Variants in SNX31 observed in about 807,000 individuals in gnomAD.
SNX31 encodes the protein sorting nexin 31, also known as sorting nexin-31.
Under a neutral mutation model 65.4 loss-of-function variants are expected in SNX31, and 58 were observed. That is an observed-to-expected ratio of 0.89 (90% CI 0.72 to 1.10). The LOEUF is 1.10. Among genes scored for constraint, SNX31 ranks in the 50% least tolerant of loss-of-function variants. The probability of loss-of-function intolerance (pLI) is 0.00; values close to 1 mark genes in which losing one functional copy is unlikely to be tolerated. For synonymous variants in SNX31, 181 were observed against 190.1 expected, an observed-to-expected ratio of 0.95 and a Z score of 0.39; for missense variants, 523 against 529.7, an observed-to-expected ratio of 0.99 and a Z score of 0.12.
rs776308909 is a variant in SNX31 at position 100,630,407 on chromosome 8, G to A, written c.257-16C>T. 59 of 1,608,942 alleles carry A rather than the reference G, an allele frequency of 3.7e-5. No homozygotes were observed. Among genetic ancestry groups the A allele is most frequent in the African/African-American group, 1.5e-4 (11 of 74,702 alleles). On this transcript the variant is annotated splice_polypyrimidine_tract_variant and intron_variant, in intron 3 of 13. Coordinates refer to ENST00000311812, the MANE Select transcript of SNX31 (RefSeq NM_152628.4). This position sits in a 1 kb window ranked among gnomAD's most constrained non-coding sequence, Gnocchi z 5.3. ...TCCATGGTTACTGAAAAACATGGAC[G>A]GTGAGCCAGGTTAGCATGGGCTGGG... is the stretch of plus-strand genomic sequence containing the variant.
chr8:100,606,999 G>A (rs1563541260), intron 8 of SNX31, among the ~76,000 whole-genome samples: 1 of 152,198 alleles, frequency 6.6e-6, no homozygotes, highest in Non-Finnish European at 1.5e-5. Flanking sequence ...CACTTTCATG[G>A]AGAAATCATT....
rs1286368207 is a variant in SNX31 at position 100,594,633 on chromosome 8, A to G, written c.978+2006T>C. 6.6e-6 allele frequency among the ~76,000 whole-genome samples: 1 copy of G among 152,242 alleles called. No homozygotes were observed. Among genetic ancestry groups the G allele is most frequent in the African/African-American group, 2.4e-5 (1 of 41,474 alleles). ...TATTAGAATGACTACAATAAAAAAAATAGTGACAACACCAAATGCTGGTGA... is the reference window on the plus strand; with the variant it reads ...TATTAGAATGACTACAATAAAAAAAGTAGTGACAACACCAAATGCTGGTGA... On this transcript the variant is annotated intron_variant, in intron 10 of 13. Transcript: ENST00000311812. This position sits in a 1 kb window ranked among gnomAD's most constrained non-coding sequence, Gnocchi z 4.0.
chr8:100,642,160 T>G (rs1425993517), intron 2 of SNX31, among the ~76,000 whole-genome samples: 1 of 152,188 alleles, frequency 6.6e-6, no homozygotes, highest in Non-Finnish European at 1.5e-5. Flanking sequence ...TTCCAGAGAC[T>G]GTCAAAAGGC....
intron 12 of SNX31, chr8:100,582,392 A>C (rs577698833): frequency 6.6e-6 from 1 of 152,278 alleles, no homozygotes; most frequent in Non-Finnish European, 1.5e-5. Flanking sequence ...TCAGCCTAAG[A>C]GGGTCCATCC....
At position 100,614,426 on chromosome 8, in the gene SNX31, T is replaced by G. The variant is rs1025326442; in HGVS notation, c.433-1341A>C. On this transcript the variant is annotated intron_variant, in intron 5 of 13. Coordinates refer to ENST00000311812, the MANE Select transcript of SNX31 (RefSeq NM_152628.4). The surrounding 1 kb of genome is among the most constrained non-coding windows in gnomAD (Gnocchi z 5.1). Reference sequence around the variant, plus strand: ...GAAGCCTTTCGCATTCATAAAGACATAAATATAAACACCTTCTTTTGAGAG... The same window carrying G: ...GAAGCCTTTCGCATTCATAAAGACAGAAATATAAACACCTTCTTTTGAGAG... Among the ~76,000 whole-genome samples the G allele has an allele frequency of 2.0e-5, 3 of 152,146 alleles. No homozygotes were observed. The highest frequency in any genetic ancestry group is 7.2e-5 in the African/African-American group (3 of 41,436).
At position 100,630,143 on chromosome 8, in the gene SNX31, T is replaced by G. The variant is rs1171720204; in HGVS notation, c.321+184A>C. Among the ~76,000 whole-genome samples, 1 of 152,194 alleles carries G rather than the reference T, an allele frequency of 6.6e-6. No individual in the cohort carries two copies. The highest frequency in any genetic ancestry group is 1.5e-5 in the Non-Finnish European group (1 of 68,034). Reference sequence around the variant, plus strand: ...GACACACTTCATTTTCCATCTAAAATCTAAACCTCCAAAAGAACAAAATAG... The same window carrying G: ...GACACACTTCATTTTCCATCTAAAAGCTAAACCTCCAAAAGAACAAAATAG... On this transcript the variant is annotated intron_variant, in intron 4 of 13. Coordinates refer to ENST00000311812, the MANE Select transcript of SNX31 (RefSeq NM_152628.4). This position sits in a 1 kb window ranked among gnomAD's most constrained non-coding sequence, Gnocchi z 5.3.
At chr8:100,641,162 T>C (rs7839829) in intron 2 of SNX31, among the ~76,000 whole-genome samples, 71,704 of 151,764 alleles carry the variant, frequency 0.47, 17,173 homozygotes, top group South Asian at 0.53. Flanking sequence ...TGGGTTCACA[T>C]TCAGGCAACT....
At chr8:100,584,670 C>T (rs1813867635) in intron 11 of SNX31, among the ~76,000 whole-genome samples, 1 of 151,204 alleles carries the variant, frequency 6.6e-6, no homozygotes, top group Admixed American at 6.6e-5. Flanking sequence ...ATATTAGCAC[C>T]TTATTGCTTT....
intron 8 of SNX31, among the ~76,000 whole-genome samples, chr8:100,607,650 A>C (rs1816296504): frequency 6.6e-6 from 1 of 152,182 alleles, no homozygotes; most frequent in Non-Finnish European, 1.5e-5. Context: ...AAATAACTAA[A>C]AGAGTATAAT....
chr8:100,661,266 A>G (rs1809783072), intron 1 of SNX31, among the ~76,000 whole-genome samples: 1 of 152,184 alleles, frequency 6.6e-6, no homozygotes, highest in Non-Finnish European at 1.5e-5. Context: ...TCGGCCTCCC[A>G]AAGTGCTGGG....
chr8:100,593,661 C>A (rs1814795819), intron 10 of SNX31, among the ~76,000 whole-genome samples: 1 of 151,924 alleles, frequency 6.6e-6, no homozygotes, highest in South Asian at 2.1e-4. Context: ...TCCATGTTGG[C>A]CAGGCTGGTC....
chr8:100,635,222 T>TTTTATTTA (rs140014187), intron 3 of SNX31, among the ~76,000 whole-genome samples: 5 of 149,672 alleles, frequency 3.3e-5, no homozygotes, highest in Admixed American at 6.7e-5. Context: ...ACCTCATCTC[T>TTTTATTTA]TTTATTTATT....
intron 12 of SNX31, among the ~76,000 whole-genome samples, 170 bp downstream of exon 12, chr8:100,583,941 C>T (rs1813787831): frequency 6.6e-6 from 1 of 152,206 alleles, no homozygotes; most frequent in South Asian, 2.1e-4. Flanking sequence ...GCCCTGCCAT[C>T]CTGACCACTG....
intron 1 of SNX31, among the ~76,000 whole-genome samples, chr8:100,662,141 C>G (rs910150380): frequency 6.6e-5 from 10 of 151,980 alleles, no homozygotes; most frequent in African/African-American, 2.2e-4. Context: ...AATCATTTAA[C>G]CTCATGACAT....
chr8:100,641,374 TA>T (rs1402637522), intron 2 of SNX31, among the ~76,000 whole-genome samples: 1 of 150,740 alleles, frequency 6.6e-6, no homozygotes, highest in Non-Finnish European at 1.5e-5. Flanking sequence ...TTGTCTCTAC[TA>T]AATATACAAA....
intron 3 of SNX31, among the ~76,000 whole-genome samples, chr8:100,635,193 G>A (rs966044662): frequency 3.6e-5 from 5 of 139,088 alleles, no homozygotes; most frequent in Non-Finnish European, 1.6e-5. Flanking sequence ...TTTGAGACCA[G>A]CCTGGGCAAC....
intron 2 of SNX31, among the ~76,000 whole-genome samples, chr8:100,646,866 G>A (rs1258499392): frequency 2.0e-5 from 3 of 152,082 alleles, no homozygotes; most frequent in Non-Finnish European, 2.9e-5. Flanking sequence ...TTTTATCAAC[G>A]TTAGAAAGAA....
chr8:100,642,173 C>T (rs1819305278), intron 2 of SNX31, among the ~76,000 whole-genome samples: 1 of 152,194 alleles, frequency 6.6e-6, no homozygotes, highest in Admixed American at 6.5e-5. Context: ...CAAAAGGCAT[C>T]CCAGTTGGAG....
intron 2 of SNX31, among the ~76,000 whole-genome samples, chr8:100,642,807 T>C (rs566827793): frequency 1.3e-5 from 2 of 152,326 alleles, no homozygotes; most frequent in Admixed American, 1.3e-4. Flanking sequence ...GGAAAACATA[T>C]CTGTTCTGCT....
Sources: gnomAD v4.1 joint callset for allele counts (sites outside exome capture counted in the v4.1 genomes callset) on GRCh38, gnomAD v4.1.1 for gene constraint, Gnocchi (gnomAD v3.1) non-coding constraint, MANE v1.5 for transcripts, NCBI Gene and HGNC (gene_info 2026-07-23, HGNC 2026-07-21) for gene names.